PPP6R3: variants seen among roughly 807,000 people sequenced by gnomAD.
PPP6R3 encodes the protein protein phosphatase 6 regulatory subunit 3, also known as serine/threonine-protein phosphatase 6 regulatory subunit 3.
PPP6R3 carries 38 observed loss-of-function variants against 110.7 expected under a neutral mutation model. That is an observed-to-expected ratio of 0.34 (90% CI 0.26 to 0.45). The LOEUF is 0.45. Among genes scored for constraint, PPP6R3 ranks in the 20% least tolerant of loss-of-function variants. PPP6R3 has a pLI of 1.00. For missense variants in PPP6R3, 870 were observed against 1,062.4 expected (o/e 0.82, Z 2.52); for synonymous variants, 369 against 373.5 (o/e 0.99, Z 0.14).
Position 68,475,447 on chromosome 11 carries a change from T to C in PPP6R3, c.-158+14620T>C, listed in dbSNP as rs980174885. Among the ~76,000 whole-genome samples, 508 of 151,922 alleles carry C rather than the reference T, an allele frequency of 3.3e-3. 3 individuals carry two copies. Among genetic ancestry groups the C allele is most frequent in the African/African-American group, 0.012 (482 of 41,394 alleles). Reference sequence around the variant, plus strand: ...TGTTGGGTACACCTCCCAGACGGGGTGGTGGCTGGGCAGAGGGGCTTCTCA... The same window carrying C: ...TGTTGGGTACACCTCCCAGACGGGGCGGTGGCTGGGCAGAGGGGCTTCTCA... On this transcript the variant is annotated intron_variant, in intron 1 of 23. Coordinates refer to ENST00000393800, the MANE Select transcript of PPP6R3 (RefSeq NM_001164161.2).
intron 2 of PPP6R3, among the ~76,000 whole-genome samples, chr11:68,528,429 T>TG (rs1256805554): frequency 1.9e-4 from 5 of 26,400 alleles, no homozygotes; most frequent in Non-Finnish European, 3.5e-4. Flanking sequence ...TTAATTTGTG[T>TG]GTGTGGGGGG....
intron 2 of PPP6R3, among the ~76,000 whole-genome samples, chr11:68,536,366 C>T (rs1395570089): frequency 1.3e-5 from 2 of 151,930 alleles, no homozygotes; most frequent in East Asian, 1.9e-4. Flanking sequence ...TGGCTTACAA[C>T]AGCCTCAGCC....
chr11:68,596,380 GAC>G (rs1353828227), intron 19 of PPP6R3, among the ~76,000 whole-genome samples, 162 bp downstream of exon 19: 1 of 152,230 alleles, frequency 6.6e-6, no homozygotes, highest in Non-Finnish European at 1.5e-5. Context: ...AAGTTTCAGA[GAC>G]AGCTTCAGGG....
chr11:68,554,474 C>T (rs540672322), intron 7 of PPP6R3, among the ~76,000 whole-genome samples: 1 of 152,192 alleles, frequency 6.6e-6, no homozygotes, highest in East Asian at 1.9e-4. Context: ...TTTGAGTTTT[C>T]CAATTATTTG....
intron 1 of PPP6R3, among the ~76,000 whole-genome samples, chr11:68,467,717 T>G (rs2098758406): frequency 6.6e-6 from 1 of 152,230 alleles, no homozygotes; most frequent in African/African-American, 2.4e-5. Flanking sequence ...TGACTGAGGC[T>G]TCCATTCGTG....
At chr11:68,612,757 T>TTA (rs1944224808) in intron 23 of PPP6R3, 1 of 364,028 alleles carries the variant, frequency 2.7e-6, no homozygotes, top group African/African-American at 2.1e-5. Context: ...AAGCCACAGT[T>TTA]TATACCCCAC....
chr11:68,474,379 T>C (rs1365236869), intron 1 of PPP6R3, among the ~76,000 whole-genome samples: 1 of 152,232 alleles, frequency 6.6e-6, no homozygotes, highest in Non-Finnish European at 1.5e-5. Context: ...TGGCTATTTG[T>C]ATATCTTATT....
chr11:68,463,738 A>G (rs925791685), intron 1 of PPP6R3, among the ~76,000 whole-genome samples: 2 of 152,164 alleles, frequency 1.3e-5, no homozygotes, highest in African/African-American at 4.8e-5. Context: ...AACAGCTTTC[A>G]TATTTCTTTC....
chr11:68,485,166 A>T (rs906605407), intron 1 of PPP6R3, among the ~76,000 whole-genome samples: 2 of 147,406 alleles, frequency 1.4e-5, no homozygotes, highest in Admixed American at 6.8e-5. Flanking sequence ...TTTTTTTTTT[A>T]TTTTCAAATT....
In PPP6R3 at chr11:68,613,364, G is replaced by GT; in HGVS notation, c.*248dup. 8.3e-7 allele frequency: 1 copy of GT among 1,209,340 alleles called. No homozygotes were observed. Among genetic ancestry groups the GT allele is most frequent in the Non-Finnish European group, 1.0e-6 (1 of 972,646 alleles). The allele number at this position is 1,209,340 out of a possible 1,614,324, so 74.9% of individuals were successfully genotyped here. A position where few individuals can be genotyped will look rare whatever the true frequency, so the allele number is the denominator to read the frequency against. ...TATATTGTATTGTTCTAAATAATGG[G>GT]TAGCCTGTGAAATAAGATCTTGCCA... On this transcript the variant is annotated 3_prime_UTR_variant, in exon 24 of 24. Coordinates refer to ENST00000393800, the MANE Select transcript of PPP6R3 (RefSeq NM_001164161.2).
chr11:68,530,511 C>T (rs1022742936), intron 2 of PPP6R3, among the ~76,000 whole-genome samples: 7 of 152,218 alleles, frequency 4.6e-5, no homozygotes, highest in Non-Finnish European at 1.0e-4. Context: ...GTAGCGGCAA[C>T]TTCTACTAGA....
At chr11:68,553,841 C>G (rs923756357) in intron 6 of PPP6R3, among the ~76,000 whole-genome samples, 3 of 152,104 alleles carry the variant, frequency 2.0e-5, no homozygotes, top group Non-Finnish European at 4.4e-5. Flanking sequence ...AATTTTGGAG[C>G]ATTTTCGATT....
In PPP6R3 at chr11:68,615,197, G is replaced by C. The variant is rs545331054; in HGVS notation, c.*2080G>C. 16 of 421,246 alleles carry C rather than the reference G, an allele frequency of 3.8e-5. No individual in the cohort carries two copies. The East Asian group carries it at 1.1e-3, about 30-fold the overall frequency. 26.1% of individuals were successfully genotyped at this position (421,246 alleles called of 1,614,324 possible). A position where few individuals can be genotyped will look rare whatever the true frequency, so the allele number is the denominator to read the frequency against. On this transcript the variant is annotated 3_prime_UTR_variant, in exon 24 of 24. Coordinates refer to ENST00000393800, the MANE Select transcript of PPP6R3 (RefSeq NM_001164161.2). ...TGGAGGGGCCAAGCCAAGGACAGGAGCAAGTGTGCCCTCATTTTGTTTCTA... is the reference window on the plus strand; with the variant it reads ...TGGAGGGGCCAAGCCAAGGACAGGACCAAGTGTGCCCTCATTTTGTTTCTA...
At chr11:68,523,286 A>C (rs2099173393) in intron 2 of PPP6R3, among the ~76,000 whole-genome samples, 1 of 152,080 alleles carries the variant, frequency 6.6e-6, no homozygotes, top group African/African-American at 2.4e-5. Context: ...TACTGGTTGC[A>C]CTTGACCTTC....
chr11:68,596,281 G>A, intron 19 of PPP6R3, 63 bp downstream of exon 19: 1 of 1,600,430 alleles, frequency 6.2e-7, no homozygotes, highest in Non-Finnish European at 8.6e-7. Flanking sequence ...TGAACAATTG[G>A]CAAAGGAGCA....
At chr11:68,558,973 T>C (rs541760808) in intron 8 of PPP6R3, among the ~76,000 whole-genome samples, 25 of 152,338 alleles carry the variant, frequency 1.6e-4, no homozygotes, top group African/African-American at 6.0e-4. Context: ...ATCAAAAACA[T>C]GTATAATGGC....
Position 68,544,947 on chromosome 11 carries a change from G to A in PPP6R3, c.337G>A (p.Asp113Asn), listed in dbSNP as rs779543631. ...GAAATTATATAGCTTCCTCCTAAAC[G>A]ATTCCCCTTTGAATCCACTACTTGC... ...LMKLYSFLLN[D>N]SPLNPLLASF... The change falls in exon 4 of 24, where the codon GAT (aspartate) becomes AAT (asparagine). Residue 113 changes from aspartate (D) to asparagine (N), a missense_variant. Asp to Asn is a conservative substitution (Grantham distance 23). Transcript: ENST00000393800. 36 of 1,607,030 alleles carry A rather than the reference G, an allele frequency of 2.2e-5. No homozygotes were observed. In the African/African-American group the frequency reaches 3.1e-4, roughly 14 times the overall value.
intron 6 of PPP6R3, among the ~76,000 whole-genome samples, chr11:68,552,096 G>A (rs568328508): frequency 6.6e-6 from 1 of 152,272 alleles, no homozygotes; most frequent in South Asian, 2.1e-4. Context: ...GATCTATAAG[G>A]TTACCACCTT....
chr11:68,486,606 A>T (rs1246959443), intron 1 of PPP6R3, among the ~76,000 whole-genome samples: 1 of 142,344 alleles, frequency 7.0e-6, no homozygotes, highest in African/African-American at 2.9e-5. Flanking sequence ...TCTGTCTTAA[A>T]AAAAAAAAAA....
Sources: gnomAD v4.1 joint callset for allele counts (sites outside exome capture counted in the v4.1 genomes callset) on GRCh38, gnomAD v4.1.1 for gene constraint, MANE v1.5 for transcripts, NCBI Gene and HGNC (gene_info 2026-07-23, HGNC 2026-07-21) for gene names.